The following SARS2 variants were observed in gnomAD, a reference collection of about 807,000 sequenced individuals.
The protein encoded by SARS2 is seryl-tRNA synthetase 2, mitochondrial, also known as serine--tRNA ligase, mitochondrial.
In SARS2, 52 loss-of-function variants were observed where a neutral mutation model predicts 66.8. The observed-to-expected ratio is 0.78, with a 90% CI of 0.62 to 0.98. The LOEUF is 0.98. Among genes scored for constraint, SARS2 ranks in the 50% least tolerant of loss-of-function variants. The pLI is 0.00. For missense variants in SARS2, 673 were observed against 706.3 expected (o/e 0.95, Z 0.53); for synonymous variants, 306 against 281.4 (o/e 1.09, Z -0.87).
chr19:38,926,500 C>T (rs548719489), intron 1 of SARS2, among the ~76,000 whole-genome samples, 200 bp from the exon 2 acceptor site: 1 of 152,134 alleles, frequency 6.6e-6, no homozygotes, highest in African/African-American at 2.4e-5. Flanking sequence ...AATTCAGACA[C>T]ACTGGCCGAG....
intron 12 of SARS2, among the ~76,000 whole-genome samples, chr19:38,917,275 T>C (rs1327003809): frequency 6.6e-6 from 1 of 152,216 alleles, no homozygotes; most frequent in Non-Finnish European, 1.5e-5. Context: ...TCCCAGTTTT[T>C]TACAATGGGT....
At chr19:38,928,835 G>C (rs1428305020) in intron 1 of SARS2, among the ~76,000 whole-genome samples, 1 of 152,154 alleles carries the variant, frequency 6.6e-6, no homozygotes, top group Non-Finnish European at 1.5e-5. Context: ...AGATTATAAT[G>C]AGTATATCTG....
At chr19:38,921,969 A>G (rs1184483523) in intron 3 of SARS2, 2 of 1,551,288 alleles carry the variant, frequency 1.3e-6, no homozygotes, top group Non-Finnish European at 1.7e-6. Flanking sequence ...TGGAACTATC[A>G]GGAAAGCGTG....
Position 38,917,833 on chromosome 19 carries a change from C to G in SARS2, c.1051G>C (p.Val351Leu). 1 of 1,614,090 alleles carries G rather than the reference C, an allele frequency of 6.2e-7. No homozygotes were observed. ...GGGCCTGTCACCCCAAACATCTCCA[C>G]CTGGGACAGAGGGCACAGGAGTCAG... is the stretch of plus-strand genomic sequence containing the variant. ...GLYRVHHFTK[V>L]EMFGVTGPGL... The change falls in exon 12 of 16, where the codon GTG (valine) becomes CTG (leucine). Residue 351 changes from valine (V) to leucine (L), a missense_variant and splice_region_variant. Transcript: ENST00000221431.
chr19:38,915,369 G>A lies in SARS2; in HGVS notation c.*237C>T, dbSNP rs1206994498. ...CTCTGCTTCTCCTGTCCCTAGAACC[G>A]TAAAGCCCAGACGTCCTGCTTCCCA... is the stretch of plus-strand genomic sequence containing the variant. On this transcript the variant is annotated 3_prime_UTR_variant, in exon 16 of 16. Transcript: ENST00000221431. The A allele has an allele frequency of 1.7e-5, 10 of 585,176 alleles. No homozygotes were observed. The highest frequency in any genetic ancestry group is 2.8e-5 in the East Asian group (1 of 35,906). 36.2% of individuals were successfully genotyped at this position (585,176 alleles called of 1,614,324 possible).
At chr19:38,922,034 G>C (rs1383981389) in intron 3 of SARS2, 4 of 1,554,180 alleles carry the variant, frequency 2.6e-6, no homozygotes, top group Non-Finnish European at 3.5e-6. Context: ...GGAATGGGAG[G>C]AACGTAGGAC....
chr19:38,922,196 C>G lies in SARS2; in HGVS notation c.393+42G>C, dbSNP rs1441939296. On this transcript the variant is annotated intron_variant, in intron 3 of 15. Transcript: ENST00000221431. Reference sequence around the variant, plus strand: ...CGTGACTGGCAGGGTATCCTCCCTGCCCACCCCCAACCCTGGATAGGACAT... The same window carrying G: ...CGTGACTGGCAGGGTATCCTCCCTGGCCACCCCCAACCCTGGATAGGACAT... 8 of 1,610,804 alleles carry G rather than the reference C, an allele frequency of 5.0e-6. No homozygotes were observed. The South Asian group carries it at 8.8e-5, about 18-fold the overall frequency.
At position 38,915,660 on chromosome 19, in the gene SARS2, G is replaced by T. The variant is rs562766344; in HGVS notation, c.1503C>A (p.Ile501=). The T allele has an allele frequency of 6.2e-7, 1 of 1,613,208 alleles. No individual in the cohort carries two copies. The highest frequency in any genetic ancestry group is 8.5e-7 in the Non-Finnish European group (1 of 1,179,762). The change falls in exon 16 of 16, where the codon ATC becomes ATA. Residue 501 remains isoleucine (I), a synonymous_variant. Coordinates refer to ENST00000221431, the MANE Select transcript of SARS2 (RefSeq NM_017827.4). ...TAPTHVPLQY[I]GPNQPRKPGL... is the part of the protein sequence containing the mutation. The stretch of plus-strand genomic sequence containing the variant: ...CAGGCTTCCGGGGCTGGTTGGGGCC[G>T]ATGTACTGGAGAGGCACGTGGGTAG...
At chr19:38,923,837 G>C (rs1026955272) in intron 2 of SARS2, among the ~76,000 whole-genome samples, 1 of 152,090 alleles carries the variant, frequency 6.6e-6, no homozygotes, top group East Asian at 1.9e-4. Context: ...AGCTGGGCGC[G>C]GTGGCGGGCG....
Position 38,915,720 on chromosome 19 carries a change from G to A in SARS2, c.1443C>T (p.Leu481=). Residue 481 remains leucine (L), a synonymous_variant, in exon 16 of 16, where the codon CTC becomes CTT. Transcript: ENST00000221431. ...TCCGATCAGTGCCGAGGTAGGACTG[G>A]AGGGCAGGGGGCACGAGCACTGAGC... ...KDGSVLVPPA[L]QSYLGTDRIT... is the part of the protein sequence containing the mutation. 1 of 1,613,194 alleles carries A rather than the reference G, an allele frequency of 6.2e-7. No homozygotes were observed. Among genetic ancestry groups the A allele is most frequent in the Non-Finnish European group, 8.5e-7 (1 of 1,179,578 alleles).
rs1159416772 is a variant in SARS2 at position 38,926,307 on chromosome 19, T to G, written c.268-7A>C. 12 of 1,602,396 alleles carry G rather than the reference T, an allele frequency of 7.5e-6. No homozygotes were observed. The South Asian group carries it at 1.3e-4, about 18-fold the overall frequency. On this transcript the variant is annotated splice_polypyrimidine_tract_variant and splice_region_variant and intron_variant, in intron 1 of 15. Transcript: ENST00000221431. ...GCTCCTGCCATGTCGAGATCTGGGG[T>G]GGATATAAGAGAAAAGGAGATGAAG... is the stretch of plus-strand genomic sequence containing the variant.
Position 38,916,108 on chromosome 19 carries a change from T to A in SARS2, c.1276A>T (p.Thr426Ser). 1 of 1,613,876 alleles carries A rather than the reference T, an allele frequency of 6.2e-7. No homozygotes were observed. Among genetic ancestry groups the A allele is most frequent in the Non-Finnish European group, 8.5e-7 (1 of 1,179,938 alleles). ...TGGAGGCGGCGGCTCTGGAAGTCTGTGCAGTTGGAAGCACTGGTGACCTGG... is the reference window on the plus strand; with the variant it reads ...TGGAGGCGGCGGCTCTGGAAGTCTGAGCAGTTGGAAGCACTGGTGACCTGG... The part of the protein sequence containing the change: ...FGEVTSASNC[T>S]DFQSRRLHIM... The change falls in exon 14 of 16, where the codon ACA becomes TCA. Residue 426 changes from threonine to serine, a missense_variant. Physicochemically the swap from Thr to Ser is moderately conservative, Grantham distance 58. Transcript: ENST00000221431.
In SARS2 at chr19:38,915,871, G is replaced by C; in HGVS notation, c.1383C>G (p.Leu461=). The C allele has an allele frequency of 6.2e-7, 1 of 1,613,900 alleles. No individual in the cohort carries two copies. Among genetic ancestry groups the C allele is most frequent in the Non-Finnish European group, 8.5e-7 (1 of 1,179,996 alleles). The part of the protein sequence containing the change: ...NATACAVPRL[L]IALLESNQQK... The stretch of plus-strand genomic sequence containing the variant: ...GCTGGTTACTCTCCAGGAGCGCGAT[G>C]AGAAGGCGGGGGACAGCACAGGCGG... Residue 461 remains leucine, a synonymous_variant, in exon 15 of 16, where the codon CTC becomes CTG. Transcript: ENST00000221431.
At chr19:38,920,770 C>CA (rs1974508226) in intron 5 of SARS2, among the ~76,000 whole-genome samples, 2 of 151,674 alleles carry the variant, frequency 1.3e-5, no homozygotes, top group Admixed American at 6.6e-5. Context: ...GACATACACA[C>CA]AGAGATACAC....
At chr19:38,926,102 C>T in intron 2 of SARS2, 103 bp downstream of exon 2, 1 of 995,950 alleles carries the variant, frequency 1.0e-6, no homozygotes, top group Non-Finnish European at 1.6e-6. Context: ...AGGCGTGAGC[C>T]ACCGTGCCAG....
intron 12 of SARS2, among the ~76,000 whole-genome samples, chr19:38,916,690 T>C (rs1235563066): frequency 8.7e-5 from 12 of 138,314 alleles, no homozygotes; most frequent in Non-Finnish European, 1.4e-4. Flanking sequence ...TGAGACGGAG[T>C]CTGGCTCTGT....
intron 2 of SARS2, among the ~76,000 whole-genome samples, chr19:38,923,432 C>T (rs1227921022): frequency 8.8e-5 from 13 of 147,364 alleles, no homozygotes; most frequent in Admixed American, 6.7e-5. Flanking sequence ...CCGTTTTAGC[C>T]GGGATGGTCT....
At chr19:38,915,957 G>A (rs1236226280) in intron 14 of SARS2, 51 bp from the exon 15 acceptor site, 1 of 1,612,862 alleles carries the variant, frequency 6.2e-7, no homozygotes, top group Non-Finnish European at 8.5e-7. Context: ...CTGAGCCCGG[G>A]GAGGAGCCAA....
intron 1 of SARS2, among the ~76,000 whole-genome samples, chr19:38,926,932 ATTTTTTTT>A (rs771202609): frequency 2.2e-5 from 3 of 138,968 alleles, no homozygotes; most frequent in African/African-American, 8.1e-5. Flanking sequence ...CCTCTAAGAA[ATTTTTTTT>A]TTTTTTTTTT....
Sources: gnomAD v4.1 joint callset for allele counts (sites outside exome capture counted in the v4.1 genomes callset) on GRCh38, gnomAD v4.1.1 for gene constraint, MANE v1.5 for transcripts, NCBI Gene and HGNC (gene_info 2026-07-23, HGNC 2026-07-21) for gene names.